Variants in STPG2 observed in about 807,000 individuals in gnomAD.
The protein encoded by STPG2 is sperm-tail PG-rich repeat-containing protein 2.
STPG2 carries 56 observed loss-of-function variants against 54.2 expected under a neutral mutation model. The observed-to-expected ratio is 1.03, with a 90% CI of 0.83 to 1.29. STPG2 has a LOEUF of 1.29. STPG2 is among the 50% of genes most tolerant of loss of function. The probability of loss-of-function intolerance (pLI) is 0.00; values close to 1 mark genes in which losing one functional copy is unlikely to be tolerated. For synonymous variants in STPG2, 200 were observed against 181.8 expected (o/e 1.10, Z -0.81); for missense variants, 596 against 544.9 (o/e 1.09, Z -0.93).
chr4:98,013,026 G>A (rs750273799), intron 5 of STPG2, among the ~76,000 whole-genome samples: 1 of 152,308 alleles, frequency 6.6e-6, no homozygotes, highest in Non-Finnish European at 1.5e-5. Flanking sequence ...TTTGTCTCAT[G>A]CTGGTTTTTA....
intron 4 of STPG2, among the ~76,000 whole-genome samples, chr4:97,463,008 C>T (rs1010269207): frequency 2.0e-5 from 3 of 152,026 alleles, no homozygotes; most frequent in Admixed American, 1.3e-4. Context: ...AAGTCATTTA[C>T]AATAAATGAG....
chr4:97,916,105 T>C (rs1367399089), intron 8 of STPG2, among the ~76,000 whole-genome samples: 2 of 152,162 alleles, frequency 1.3e-5, no homozygotes, highest in Admixed American at 6.5e-5. Context: ...TGGGATATGT[T>C]TTCCTAGTGT....
At chr4:97,684,684 G>A (rs772348082) in intron 10 of STPG2, among the ~76,000 whole-genome samples, 3 of 151,792 alleles carry the variant, frequency 2.0e-5, no homozygotes, top group South Asian at 2.1e-4. Flanking sequence ...AAATTTTTGC[G>A]TTTGCAATGA....
intron 7 of STPG2, among the ~76,000 whole-genome samples, chr4:97,945,431 A>T (rs746993477): frequency 2.0e-5 from 3 of 152,046 alleles, no homozygotes; most frequent in Non-Finnish European, 4.4e-5. Flanking sequence ...TGGTGTATAT[A>T]TACCACATTT....
chr4:97,821,517 C>T (rs1376358904), intron 9 of STPG2, among the ~76,000 whole-genome samples: 2 of 152,186 alleles, frequency 1.3e-5, no homozygotes, highest in African/African-American at 2.4e-5. Context: ...GGCAGTGCCC[C>T]AGCGGGGAAT....
intron 4 of STPG2, among the ~76,000 whole-genome samples, chr4:97,471,331 T>C (rs1479886075): frequency 1.3e-5 from 2 of 152,134 alleles, no homozygotes; most frequent in African/African-American, 4.8e-5. Context: ...GTACAATATA[T>C]TGATTATCAC....
At chr4:97,901,478 T>G (rs1731175038) in intron 8 of STPG2, among the ~76,000 whole-genome samples, 1 of 151,924 alleles carries the variant, frequency 6.6e-6, no homozygotes, top group African/African-American at 2.4e-5. Context: ...CAACTAATAA[T>G]ACAGTAATGT....
intron 5 of STPG2, among the ~76,000 whole-genome samples, chr4:97,991,135 G>A (rs1734990733): frequency 6.6e-6 from 1 of 151,698 alleles, no homozygotes; most frequent in South Asian, 2.1e-4. Context: ...TCATACCTTA[G>A]CTCCCACTTA....
At chr4:97,973,281 G>A (rs1177204741) in intron 6 of STPG2, among the ~76,000 whole-genome samples, 1 of 152,112 alleles carries the variant, frequency 6.6e-6, no homozygotes, top group Non-Finnish European at 1.5e-5. Context: ...CAAAAAGACT[G>A]GTGGCATTTT....
intron 10 of STPG2, among the ~76,000 whole-genome samples, chr4:97,686,939 TTA>T (rs144668865): frequency 0.47 from 68,445 of 146,074 alleles, 16,644 homozygotes; most frequent in South Asian, 0.63. Context: ...ATTATTATTA[TTA>T]TTTTTTTTTT....
At chr4:98,137,381 A>G (rs550482310) in intron 1 of STPG2, among the ~76,000 whole-genome samples, 1 of 151,922 alleles carries the variant, frequency 6.6e-6, no homozygotes, top group South Asian at 2.1e-4. Flanking sequence ...TTGAAATAAA[A>G]AAGGCCAAAA....
At chr4:97,747,667 T>G (rs911573146) in intron 9 of STPG2, among the ~76,000 whole-genome samples, 1 of 151,446 alleles carries the variant, frequency 6.6e-6, no homozygotes, top group Non-Finnish European at 1.5e-5. Flanking sequence ...TTTTAGGATT[T>G]CATAAAGCTC....
chr4:97,893,099 C>T (rs1730832898), intron 8 of STPG2: 1 of 152,130 alleles, frequency 6.6e-6, no homozygotes, highest in East Asian at 1.9e-4. Context: ...TTAGCTTCTT[C>T]CAGTTAGGGA....
At chr4:97,693,666 T>G (rs546646546) in intron 10 of STPG2, among the ~76,000 whole-genome samples, 96 of 152,254 alleles carry the variant, frequency 6.3e-4, no homozygotes, top group Non-Finnish European at 1.1e-3. Context: ...TCAAATGAAC[T>G]TAACAGATAT....
chr4:97,653,768 C>G (rs1287820572), intron 10 of STPG2, among the ~76,000 whole-genome samples: 1 of 152,024 alleles, frequency 6.6e-6, no homozygotes, highest in Non-Finnish European at 1.5e-5. Flanking sequence ...GAAGATGACC[C>G]TAAGAAAAGA....
At chr4:97,873,184 C>T (rs1179565301) in intron 8 of STPG2, among the ~76,000 whole-genome samples, 1 of 150,378 alleles carries the variant, frequency 6.6e-6, no homozygotes, top group African/African-American at 2.4e-5. Context: ...TTTCTCTCTC[C>T]CTCCCTTCCT....
Position 97,920,148 on chromosome 4 carries a change from G to A in STPG2, c.1044+23749C>T, listed in dbSNP as rs142283755. ...AAAACACTGAGAGGACAGGATTCTG[G>A]CTTACAGAATTTAAAACAGGCTTTG... On this transcript the variant is annotated intron_variant, in intron 8 of 10. Transcript: ENST00000295268. Among the ~76,000 whole-genome samples, 792 of 152,308 alleles carry A rather than the reference G, an allele frequency of 5.2e-3. 9 individuals are homozygous for A. Among genetic ancestry groups the A allele is most frequent in the Middle Eastern group, 0.02 (6 of 294 alleles).
chr4:97,498,018 T>C (rs1395021120), intron 4 of STPG2, among the ~76,000 whole-genome samples: 2 of 151,932 alleles, frequency 1.3e-5, no homozygotes, highest in Non-Finnish European at 2.9e-5. Context: ...CAAGCAGCTA[T>C]AGACAGCCCT....
intron 5 of STPG2, among the ~76,000 whole-genome samples, chr4:98,047,745 G>A (rs1317284003): frequency 1.3e-5 from 2 of 150,814 alleles, no homozygotes; most frequent in South Asian, 2.1e-4. Context: ...GAAAAGGTAG[G>A]TCTTGTATTT....
Sources: gnomAD v4.1 joint callset for allele counts (sites outside exome capture counted in the v4.1 genomes callset) on GRCh38, gnomAD v4.1.1 for gene constraint, MANE v1.5 for transcripts, NCBI Gene and HGNC (gene_info 2026-07-23, HGNC 2026-07-21) for gene names.